The following FLRT2 variants were observed in gnomAD, a reference collection of about 807,000 sequenced individuals.
FLRT2 encodes fibronectin leucine rich transmembrane protein 2.
FLRT2 carries 15 observed loss-of-function variants against 40.0 expected under a neutral mutation model. The ratio of observed to expected loss-of-function variants is 0.38; its 90% CI spans 0.25 to 0.58. FLRT2 has a LOEUF of 0.58. Among genes scored for constraint, FLRT2 ranks in the 20% least tolerant of loss-of-function variants. The probability of loss-of-function intolerance (pLI) is 0.71; values close to 1 mark genes in which losing one functional copy is unlikely to be tolerated. For missense variants in FLRT2, 726 were observed against 840.0 expected (o/e 0.86, Z 1.68); for synonymous variants, 380 against 336.8 (o/e 1.13, Z -1.41).
At chr14:85,567,994 C>G (rs1451927589) in intron 1 of FLRT2, among the ~76,000 whole-genome samples, 6 of 151,996 alleles carry the variant, frequency 3.9e-5, no homozygotes, top group Non-Finnish European at 7.4e-5. Flanking sequence ...CTAGAAACAG[C>G]ATGACTTGCC....
At position 85,536,218 on chromosome 14, in the gene FLRT2, C is replaced by G. The variant is rs556854208; in HGVS notation, c.-377+5684C>G. Among the ~76,000 whole-genome samples the G allele has an allele frequency of 2.6e-5, 4 of 152,148 alleles. No homozygotes were observed. In the South Asian group the frequency reaches 8.3e-4, roughly 32 times the overall value. ...TGGAGAGTTTGATTTAGGATTTAGA[C>G]AACTTTATATTTTCCCAGTTTGAAG... On this transcript the variant is annotated intron_variant, in intron 1 of 1. Transcript: ENST00000330753.
In FLRT2 at chr14:85,530,334, G is replaced by C. The variant is rs1171664289; in HGVS notation, c.-577G>C. The stretch of plus-strand genomic sequence containing the variant: ...CCAGCAGCGGCGAGGCGGCATCTCC[G>C]CTCCCGCCGCCGTGTCCACCGAGCC... On this transcript the variant is annotated 5_prime_UTR_variant, in exon 1 of 2. Coordinates refer to ENST00000330753, the MANE Select transcript of FLRT2 (RefSeq NM_013231.6). 6.6e-6 allele frequency: 1 copy of C among 152,662 alleles called. No homozygotes were observed. Among genetic ancestry groups the C allele is most frequent in the Non-Finnish European group, 1.5e-5 (1 of 68,100 alleles). The allele number at this position is 152,662 out of a possible 1,614,324, so 9.5% of individuals were successfully genotyped here. A position where few individuals can be genotyped will look rare whatever the true frequency, so the allele number is the denominator to read the frequency against.
chr14:85,553,181 T>C (rs12888687), intron 1 of FLRT2, among the ~76,000 whole-genome samples: 66,888 of 152,080 alleles, frequency 0.44, 16,290 homozygotes, highest in Middle Eastern at 0.63. Context: ...CAGCTCTTCT[T>C]TGTAGCCTTC....
chr14:85,616,238 A>T (rs1233307690), intron 1 of FLRT2, among the ~76,000 whole-genome samples: 1 of 151,338 alleles, frequency 6.6e-6, no homozygotes, highest in African/African-American at 2.4e-5. Context: ...CCATTAAGCC[A>T]TTCTTTATAA....
At chr14:85,535,058 G>C (rs1046753425) in intron 1 of FLRT2, among the ~76,000 whole-genome samples, 46 of 152,094 alleles carry the variant, frequency 3.0e-4, no homozygotes, top group Admixed American at 2.9e-3. Context: ...CCGTGTAAAC[G>C]CTCGCTCAAG....
Position 85,622,602 on chromosome 14 carries a change from C to T in FLRT2, c.1088C>T (p.Thr363Met), listed in dbSNP as rs147368086. 11 of 1,613,430 alleles carry T rather than the reference C, an allele frequency of 6.8e-6. No homozygotes were observed. The highest frequency in any genetic ancestry group is 3.3e-5 in the South Asian group (3 of 91,038). Residue 363 changes from threonine to methionine, a missense_variant, in exon 2 of 2, where the codon ACG becomes ATG. Physicochemically the swap from Thr to Met is moderately conservative, Grantham distance 81. Around this residue, in one of 3 missense-constraint regions of FLRT2, gnomAD observed 611 missense variants for 690.0 expected, o/e 0.89. Coordinates refer to ENST00000330753, the MANE Select transcript of FLRT2 (RefSeq NM_013231.6). ...ATGAATCTTTTGTCCTGTCCCACCACGACCCCCGGCCTGCCTCTCTTCACC... is the reference window on the plus strand; with the variant it reads ...ATGAATCTTTTGTCCTGTCCCACCATGACCCCCGGCCTGCCTCTCTTCACC... ...LNMNLLSCPT[T>M]TPGLPLFTPA...
In FLRT2 at chr14:85,633,578, T is replaced by G. The variant is rs1893932934; in HGVS notation, c.*10081T>G. On this transcript the variant is annotated 3_prime_UTR_variant, in exon 2 of 2. Coordinates refer to ENST00000330753, the MANE Select transcript of FLRT2 (RefSeq NM_013231.6). ...CTTTGGGAGGCCAAGGTGGGAGGAT[T>G]GCTTGAGGTCAGGATTTCCAGACCA... is the stretch of plus-strand genomic sequence containing the variant. 1 of 151,502 alleles carries G rather than the reference T, an allele frequency of 6.6e-6. No individual in the cohort carries two copies. Among genetic ancestry groups the G allele is most frequent in the African/African-American group, 2.4e-5 (1 of 41,166 alleles). 9.4% of individuals were successfully genotyped at this position (151,502 alleles called of 1,614,324 possible). A position where few individuals can be genotyped will look rare whatever the true frequency, so the allele number is the denominator to read the frequency against.
At position 85,635,607 on chromosome 14, in the gene FLRT2, AG is replaced by A. The variant is rs1328350401; in HGVS notation, c.*12111del. ...CAGAGAAAGAATTATGAGAATAGCT[AG>A]AAAATATTAAATAATAAATGTGGTT... On this transcript the variant is annotated 3_prime_UTR_variant, in exon 2 of 2. Coordinates refer to ENST00000330753, the MANE Select transcript of FLRT2 (RefSeq NM_013231.6). The A allele has an allele frequency of 1.3e-5, 2 of 152,282 alleles. No individual in the cohort carries two copies. Among genetic ancestry groups the A allele is most frequent in the Middle Eastern group, 3.4e-3 (1 of 294 alleles). 9.4% of individuals were successfully genotyped at this position (152,282 alleles called of 1,614,324 possible).
intron 1 of FLRT2, among the ~76,000 whole-genome samples, chr14:85,565,934 G>T (rs1890597178): frequency 6.6e-6 from 1 of 152,156 alleles, no homozygotes; most frequent in Non-Finnish European, 1.5e-5. Flanking sequence ...TTTGGGGAAT[G>T]ATTTCAGTAG....
intron 1 of FLRT2, among the ~76,000 whole-genome samples, chr14:85,549,508 A>G (rs926996367): frequency 1.4e-4 from 22 of 152,206 alleles, no homozygotes; most frequent in Admixed American, 1.2e-3. Context: ...ATCCCATTTC[A>G]TAAAGATATA....
At position 85,639,223 on chromosome 14, in the gene FLRT2, A is replaced by T. The variant is rs1313795546; in HGVS notation, c.*15726A>T. ...GCTGGGAAAGTGATGACTCTCATTC[A>T]CTGTTGCCCTGTTTCCTTTTCCTTG... On this transcript the variant is annotated 3_prime_UTR_variant, in exon 2 of 2. Transcript: ENST00000330753. 2 of 152,184 alleles carry T rather than the reference A, an allele frequency of 1.3e-5. No individual in the cohort carries two copies. The highest frequency in any genetic ancestry group is 2.4e-5 in the African/African-American group (1 of 41,450). The allele number at this position is 152,184 out of a possible 1,614,324, so 9.4% of individuals were successfully genotyped here.
At chr14:85,568,733 C>G (rs539580311) in intron 1 of FLRT2, among the ~76,000 whole-genome samples, 2 of 152,290 alleles carry the variant, frequency 1.3e-5, no homozygotes, top group African/African-American at 4.8e-5. Flanking sequence ...CTTGGCTGCT[C>G]TCTCTCCCTA....
At chr14:85,547,178 T>G (rs915521734) in intron 1 of FLRT2, among the ~76,000 whole-genome samples, 3 of 152,134 alleles carry the variant, frequency 2.0e-5, no homozygotes, top group African/African-American at 7.2e-5. Context: ...TCAAGGTCCC[T>G]CTTTCTCAAA....
In FLRT2 at chr14:85,601,196, T is replaced by C. The variant is rs1174086937; in HGVS notation, c.-376-19943T>C. On this transcript the variant is annotated intron_variant, in intron 1 of 1. Transcript: ENST00000330753. ...AGTGTAGGATGAGATAGAAGGGAGA[T>C]GCAGCATGGAAGAAACCAAGTGAAA... is the stretch of plus-strand genomic sequence containing the variant. 3.3e-5 allele frequency among the ~76,000 whole-genome samples: 5 copies of C among 152,084 alleles called. No individual in the cohort carries two copies. In the East Asian group the frequency reaches 7.7e-4, roughly 24 times the overall value.
At chr14:85,583,468 C>T (rs1891479013) in intron 1 of FLRT2, among the ~76,000 whole-genome samples, 1 of 152,102 alleles carries the variant, frequency 6.6e-6, no homozygotes, top group Non-Finnish European at 1.5e-5. Context: ...GAACAGAATT[C>T]AAATGTGGAT....
chr14:85,616,551 T>C (rs1485718833), intron 1 of FLRT2, among the ~76,000 whole-genome samples: 1 of 152,224 alleles, frequency 6.6e-6, no homozygotes, highest in East Asian at 1.9e-4. Context: ...CTGGGATTCA[T>C]CTCTGGCTTC....
chr14:85,603,816 C>T (rs750931968), intron 1 of FLRT2, among the ~76,000 whole-genome samples: 1 of 152,090 alleles, frequency 6.6e-6, no homozygotes, highest in Non-Finnish European at 1.5e-5. Context: ...TGCAGCGAGC[C>T]GAGGTCTCTT....
intron 1 of FLRT2, among the ~76,000 whole-genome samples, chr14:85,618,655 A>G (rs1209937709): frequency 6.6e-6 from 1 of 152,220 alleles, no homozygotes; most frequent in East Asian, 1.9e-4. Flanking sequence ...AAAAGTGATT[A>G]GTATGCCTTA....
At chr14:85,610,618 A>G (rs889013167) in intron 1 of FLRT2, among the ~76,000 whole-genome samples, 19 of 152,172 alleles carry the variant, frequency 1.2e-4, no homozygotes. Context: ...TGCCAGAGCT[A>G]AGGCTCTCCC....
Sources: allele counts gnomAD v4.1 joint callset (sites outside exome capture counted in the v4.1 genomes callset), GRCh38; gene constraint gnomAD v4.1.1; regional missense constraint gnomAD v4.1.1; transcripts MANE v1.5; gene names NCBI Gene and HGNC (gene_info 2026-07-23, HGNC 2026-07-21).